The following CLEC2A variants were observed in gnomAD, a reference collection of about 807,000 sequenced individuals.
The protein encoded by CLEC2A is C-type lectin domain family 2 member A.
CLEC2A carries 19 observed loss-of-function variants against 18.6 expected under a neutral mutation model. The ratio of observed to expected loss-of-function variants is 1.02; its 90% CI spans 0.71 to 1.50. The LOEUF (loss-of-function observed/expected upper bound fraction) is 1.50. CLEC2A is among the 40% of genes most tolerant of loss of function. The pLI, the probability that CLEC2A is intolerant of heterozygous loss-of-function variation, is 0.00. For synonymous variants in CLEC2A, 74 were observed against 64.0 expected (o/e 1.16, Z -0.75); for missense variants, 190 against 207.9 (o/e 0.91, Z 0.53).
the CLEC2A span, chr12:9,893,089 T>A: frequency 2.0e-6 from 3 of 1,535,918 alleles, no homozygotes; most frequent in Non-Finnish European, 2.6e-6. Flanking sequence ...TCAACTTCTT[T>A]TAAAACGTGG....
chr12:9,895,278 A>C (rs1862743888), downstream of CLEC2A, among the ~76,000 whole-genome samples: 1 of 152,228 alleles, frequency 6.6e-6, no homozygotes, highest in East Asian at 1.9e-4. Flanking sequence ...TGGAGAATTA[A>C]TAGATAGGAA....
At chr12:9,896,065 A>G (rs1182281473), downstream of CLEC2A, among the ~76,000 whole-genome samples, 2 of 152,232 alleles carry the variant, frequency 1.3e-5, no homozygotes, top group Non-Finnish European at 2.9e-5. Flanking sequence ...GAAAAGCTAA[A>G]TAAAAAATTA....
At chr12:9,908,477 G>A (rs1032325081), downstream of CLEC2A, among the ~76,000 whole-genome samples, 1 of 152,092 alleles carries the variant, frequency 6.6e-6, no homozygotes, top group African/African-American at 2.4e-5. Flanking sequence ...AAGTTCTGAG[G>A]AGCAGGTGAT....
downstream of CLEC2A, among the ~76,000 whole-genome samples, chr12:9,908,622 G>GCC (rs1042218746): frequency 6.6e-6 from 1 of 152,032 alleles, no homozygotes; most frequent in Non-Finnish European, 1.5e-5. Flanking sequence ...AGAGCCCCTG[G>GCC]CCCCCCCTAT....
chr12:9,919,346 T>C (rs1863126121), intron 3 of CLEC2A, among the ~76,000 whole-genome samples: 2 of 152,222 alleles, frequency 1.3e-5, no homozygotes, highest in South Asian at 4.1e-4. Flanking sequence ...GGAGGGTCTC[T>C]GCTGTGGGCC....
intron 4 of CLEC2A, among the ~76,000 whole-genome samples, chr12:9,916,324 G>T (rs922623595): frequency 6.6e-6 from 1 of 152,048 alleles, no homozygotes; most frequent in African/African-American, 2.4e-5. Flanking sequence ...TAAAGACAAA[G>T]AAATCTTATA....
chr12:9,905,498 G>A (rs1296910815), intron 4 of CLEC2A, among the ~76,000 whole-genome samples: 1 of 152,210 alleles, frequency 6.6e-6, no homozygotes, highest in Non-Finnish European at 1.5e-5. Flanking sequence ...CAGCAGTGGA[G>A]TGTAAATAAG....
chr12:9,904,393 A>G (rs182957468), intron 4 of CLEC2A, among the ~76,000 whole-genome samples: 227 of 152,246 alleles, frequency 1.5e-3, no homozygotes, highest in African/African-American at 5.3e-3. Flanking sequence ...AAGTGTAACA[A>G]TCGTTTTTGT....
At chr12:9,879,671 G>T in the CLEC2A span, among the ~76,000 whole-genome samples, 1 of 152,000 alleles carries the variant, frequency 6.6e-6, no homozygotes, top group African/African-American at 2.4e-5. Context: ...GCACACAATA[G>T]ATTCATTACA....
At chr12:9,914,435 G>T (rs1207200007) in intron 4 of CLEC2A, among the ~76,000 whole-genome samples, 1 of 152,138 alleles carries the variant, frequency 6.6e-6, no homozygotes, top group Admixed American at 6.5e-5. Context: ...AGCAAAGCTG[G>T]AGGCATCATG....
intron 4 of CLEC2A, among the ~76,000 whole-genome samples, chr12:9,899,251 G>C (rs747418939): frequency 6.6e-6 from 1 of 152,160 alleles, no homozygotes; most frequent in African/African-American, 2.4e-5. Context: ...ATGTATCTGA[G>C]GGGAGTGTCC....
downstream of CLEC2A, among the ~76,000 whole-genome samples, chr12:9,894,126 T>TTCTCTCTCTCTCTCTCTCTCTCTCTC (rs141327204): frequency 1.5e-5 from 2 of 130,200 alleles, no homozygotes; most frequent in African/African-American, 3.0e-5. Flanking sequence ...TTTCTTTTCT[T>TTCTCTCTCTCTCTCTCTCTCTCTCTC]TCTCTCTCTC....
intron 4 of CLEC2A, 61 bp from the exon 5 acceptor site, chr12:9,913,741 TTAA>T (rs1460623355): frequency 9.4e-7 from 1 of 1,069,210 alleles, no homozygotes; most frequent in African/African-American, 1.6e-5. Context: ...AAAAAGACAA[TTAA>T]TAATAGAGTG....
downstream of CLEC2A, among the ~76,000 whole-genome samples, chr12:9,911,348 T>G (rs1862983038): frequency 6.6e-6 from 1 of 152,168 alleles, no homozygotes; most frequent in African/African-American, 2.4e-5. Flanking sequence ...GTTGAGCCTC[T>G]GAGCAAAGAA....
At chr12:9,927,089 T>C (rs1343812487) in intron 1 of CLEC2A, among the ~76,000 whole-genome samples, 1 of 152,002 alleles carries the variant, frequency 6.6e-6, no homozygotes, top group East Asian at 1.9e-4. Flanking sequence ...GGGAGATATT[T>C]TGAGAAATGT....
chr12:9,910,074 T>G (rs924820105), downstream of CLEC2A, among the ~76,000 whole-genome samples: 2 of 152,184 alleles, frequency 1.3e-5, no homozygotes, highest in African/African-American at 4.8e-5. Context: ...CTTTTGTCAT[T>G]AATATGTTCC....
chr12:9,892,029 C>A, the CLEC2A span, among the ~76,000 whole-genome samples: 1 of 152,152 alleles, frequency 6.6e-6, no homozygotes, highest in African/African-American at 2.4e-5. Context: ...GACAGTCCCA[C>A]CTCACAAACC....
intron 4 of CLEC2A, among the ~76,000 whole-genome samples, chr12:9,899,892 C>G (rs1862802183): frequency 6.6e-6 from 1 of 152,222 alleles, no homozygotes. Context: ...ATCCAGTTTT[C>G]TTTCCTAGGG....
chr12:9,925,862 C>T (rs939567780), intron 2 of CLEC2A, among the ~76,000 whole-genome samples: 2 of 152,070 alleles, frequency 1.3e-5, no homozygotes, highest in Non-Finnish European at 2.9e-5. Flanking sequence ...CCCTGTTGAC[C>T]AACTCTTCTT....
Sources: gnomAD v4.1 joint callset for allele counts (sites outside exome capture counted in the v4.1 genomes callset) on GRCh38, gnomAD v4.1.1 for gene constraint, MANE v1.5 for transcripts, NCBI Gene and HGNC (gene_info 2026-07-23, HGNC 2026-07-21) for gene names.